The following TMEM35A variants were observed in gnomAD, a reference collection of about 807,000 sequenced individuals.
The protein encoded by TMEM35A is nicotinic acetylcholine receptor chaperone.
For missense variants in TMEM35A, 83 were observed against 132.7 expected (o/e 0.63, Z 1.84); for synonymous variants, 50 against 54.7 (o/e 0.91, Z 0.38).
chrX:101,082,479 A>G (rs1602742287), intron 1 of TMEM35A, among the ~76,000 whole-genome samples: 1 of 105,513 alleles, frequency 9.5e-6, no homozygotes, highest in Non-Finnish European at 1.9e-5. Flanking sequence ...AAGGCTGTAA[A>G]CATTAACTGA....
chrX:101,090,038 ACTTTTGACTATTCT>A (rs1245724284), intron 1 of TMEM35A, among the ~76,000 whole-genome samples: 1 of 111,397 alleles, frequency 9.0e-6, no homozygotes, highest in Non-Finnish European at 1.9e-5. Flanking sequence ...AGCATTTGGC[ACTTTTGACTATTCT>A]CTTCTTAAAA....
chrX:101,082,171 T>C (rs1329419528), intron 1 of TMEM35A, among the ~76,000 whole-genome samples: 1 of 73,482 alleles, frequency 1.4e-5, no homozygotes, highest in Non-Finnish European at 2.8e-5. Flanking sequence ...TTCTGCCAAC[T>C]ATTTTTTTTC....
chrX:101,090,420 G>A (rs766123607), intron 1 of TMEM35A, among the ~76,000 whole-genome samples: 22 of 106,031 alleles, frequency 2.1e-4, no homozygotes, highest in Admixed American at 1.6e-3. Flanking sequence ...TGCCCGCCTC[G>A]GCCTCCCAAA....
At chrX:101,089,449 C>G (rs1248774345) in intron 1 of TMEM35A, among the ~76,000 whole-genome samples, 1 of 109,863 alleles carries the variant, frequency 9.1e-6, no homozygotes, top group Non-Finnish European at 1.9e-5. Flanking sequence ...AGGTAAGTAG[C>G]CTTGCTGACT....
At chrX:101,092,816 C>A (rs886663403) in intron 1 of TMEM35A, among the ~76,000 whole-genome samples, 3 of 110,728 alleles carry the variant, frequency 2.7e-5, no homozygotes, top group African/African-American at 9.8e-5. Flanking sequence ...AGCCAAAATT[C>A]CACCACTGCA....
At chrX:101,092,280 A>C (rs2089326379) in intron 1 of TMEM35A, among the ~76,000 whole-genome samples, 4 of 112,069 alleles carry the variant, frequency 3.6e-5, no homozygotes, top group Admixed American at 1.9e-4. Context: ...GGACCAACCC[A>C]ATAAGACACT....
In TMEM35A at chrX:101,094,560, A is replaced by G; in HGVS notation, c.121-13A>G. ...GTTAATGCAGTAATTTCCTTACAAT[A>G]TTCTCACTCTAGAAACGTGCTTACA... On this transcript the variant is annotated splice_polypyrimidine_tract_variant and intron_variant, in intron 1 of 1. Coordinates refer to ENST00000372930, the MANE Select transcript of TMEM35A (RefSeq NM_021637.3). 1.7e-6 allele frequency: 2 copies of G among 1,177,956 alleles called. No homozygotes were observed. The highest frequency in any genetic ancestry group is 2.3e-6 in the Non-Finnish European group (2 of 878,459).
chrX:101,089,082 C>A (rs778474805), intron 1 of TMEM35A, among the ~76,000 whole-genome samples: 159 of 111,416 alleles, frequency 1.4e-3, no homozygotes, highest in Non-Finnish European at 2.2e-3. Flanking sequence ...TCAGCTCTGC[C>A]CCACATGGGT....
intron 1 of TMEM35A, among the ~76,000 whole-genome samples, chrX:101,080,024 T>C (rs1349461550): frequency 9.0e-6 from 1 of 111,701 alleles, no homozygotes; most frequent in African/African-American, 3.3e-5. Flanking sequence ...TGGCAGGGAA[T>C]GTTTCCAGCA....
intron 1 of TMEM35A, among the ~76,000 whole-genome samples, chrX:101,090,327 A>ATTTTTTTT (rs1199957258): frequency 1.5e-5 from 1 of 66,240 alleles, no homozygotes; most frequent in Non-Finnish European, 3.1e-5. Context: ...TAATTTTTGT[A>ATTTTTTTT]TTTTTTTTTT....
chrX:101,090,734 C>CCTAT (rs1200046498), intron 1 of TMEM35A, among the ~76,000 whole-genome samples: 1 of 111,209 alleles, frequency 9.0e-6, no homozygotes, highest in African/African-American at 3.3e-5. Flanking sequence ...AATGGTAACA[C>CCTAT]CTATCTATCT....
intron 1 of TMEM35A, among the ~76,000 whole-genome samples, chrX:101,083,916 G>A (rs980697487): frequency 1.8e-5 from 2 of 110,910 alleles, no homozygotes; most frequent in Admixed American, 9.7e-5. Context: ...TGACTGGTAC[G>A]ATCAAGCATG....
chrX:101,082,897 A>G (rs1443469031), intron 1 of TMEM35A, among the ~76,000 whole-genome samples: 2 of 111,237 alleles, frequency 1.8e-5, no homozygotes, highest in Non-Finnish European at 3.8e-5. Context: ...CACCCATCTC[A>G]GCCTCCCAAA....
At chrX:101,086,511 G>A (rs764264613) in intron 1 of TMEM35A, among the ~76,000 whole-genome samples, 7 of 112,024 alleles carry the variant, frequency 6.2e-5, no homozygotes, top group Non-Finnish European at 1.1e-4. Context: ...TCTCCAAAAT[G>A]CTCATTTGAT....
chrX:101,093,385 C>G (rs2089329697), intron 1 of TMEM35A, among the ~76,000 whole-genome samples: 1 of 110,934 alleles, frequency 9.0e-6, no homozygotes, highest in Non-Finnish European at 1.9e-5. Flanking sequence ...ACGATCTTGG[C>G]TCACTGCAAC....
chrX:101,094,936 G>C lies in TMEM35A; in HGVS notation c.484G>C (p.Gly162Arg), dbSNP rs759351217. The part of the protein sequence containing the change: ...QPSLYEKAPQ[G>R]KVKVS ...CTCCTTATATGAGAAGGCCCCTCAGGGCAAAGTGAAGGTGTCATAGAAAAG... is the reference window on the plus strand; with the variant it reads ...CTCCTTATATGAGAAGGCCCCTCAGCGCAAAGTGAAGGTGTCATAGAAAAG... The change falls in exon 2 of 2, where the codon GGC (glycine) becomes CGC (arginine). Residue 162 changes from glycine (G) to arginine (R), a missense_variant. Physicochemically the swap from Gly to Arg is moderately radical, Grantham distance 125. Coordinates refer to ENST00000372930, the MANE Select transcript of TMEM35A (RefSeq NM_021637.3). 1.7e-6 allele frequency: 2 copies of C among 1,190,752 alleles called. No individual in the cohort carries two copies. The highest frequency in any genetic ancestry group is 3.7e-5 in the South Asian group (2 of 53,786).
intron 1 of TMEM35A, among the ~76,000 whole-genome samples, chrX:101,092,791 G>T (rs1200793369): frequency 2.7e-5 from 3 of 110,699 alleles, no homozygotes; most frequent in African/African-American, 9.8e-5. Context: ...AACCTGGGAG[G>T]CGGAGGTTGC....
At chrX:101,093,629 T>A (rs963890184) in intron 1 of TMEM35A, among the ~76,000 whole-genome samples, 7 of 112,353 alleles carry the variant, frequency 6.2e-5, no homozygotes, top group Non-Finnish European at 9.4e-5. Flanking sequence ...AAAGTATTAA[T>A]GCTATTTATG....
At chrX:101,087,550 G>A (rs1569495778) in intron 1 of TMEM35A, among the ~76,000 whole-genome samples, 3 of 111,965 alleles carry the variant, frequency 2.7e-5, no homozygotes, top group Admixed American at 1.9e-4. Context: ...AAAGTAATAC[G>A]CCGTTCTACT....
Sources: gnomAD v4.1 joint callset for allele counts (sites outside exome capture counted in the v4.1 genomes callset) on GRCh38, gnomAD v4.1.1 for gene constraint, MANE v1.5 for transcripts, NCBI Gene and HGNC (gene_info 2026-07-23, HGNC 2026-07-21) for gene names.